Variants in AK5 observed in about 807,000 individuals in gnomAD.
AK5 encodes adenylate kinase 5.
Under a neutral mutation model 69.5 loss-of-function variants are expected in AK5, and 27 were observed. That is an observed-to-expected ratio of 0.39 (90% CI 0.29 to 0.54). The LOEUF (loss-of-function observed/expected upper bound fraction) is 0.54. Among genes scored for constraint, AK5 ranks in the 20% least tolerant of loss-of-function variants. The pLI is 0.71. For synonymous variants in AK5, 260 were observed against 244.4 expected, an observed-to-expected ratio of 1.06 and a Z score of -0.60; for missense variants, 531 against 700.4, an observed-to-expected ratio of 0.76 and a Z score of 2.73.
At chr1:77,517,173 T>C (rs1006138941) in intron 10 of AK5, among the ~76,000 whole-genome samples, 6 of 151,188 alleles carry the variant, frequency 4.0e-5, no homozygotes, top group Non-Finnish European at 8.9e-5. Context: ...GGAATTTGAA[T>C]TTTACTCTGG....
chr1:77,411,658 C>T (rs1650053604), intron 7 of AK5, among the ~76,000 whole-genome samples: 2 of 152,204 alleles, frequency 1.3e-5, no homozygotes, highest in Admixed American at 6.5e-5. Context: ...CTCATTGTCA[C>T]AGGTGGCTTC....
intron 12 of AK5, among the ~76,000 whole-genome samples, chr1:77,529,819 T>A (rs1658483305): frequency 6.6e-6 from 1 of 152,156 alleles, no homozygotes; most frequent in Non-Finnish European, 1.5e-5. Context: ...TTAACAGAAA[T>A]CATATTAATG....
chr1:77,512,173 C>A (rs1280371321), intron 10 of AK5, among the ~76,000 whole-genome samples: 1 of 152,072 alleles, frequency 6.6e-6, no homozygotes, highest in Non-Finnish European at 1.5e-5. Flanking sequence ...AGAAAATAAA[C>A]GTTGAGTTCT....
chr1:77,334,231 G>C (rs761427254), intron 5 of AK5, among the ~76,000 whole-genome samples: 18 of 152,050 alleles, frequency 1.2e-4, no homozygotes, highest in Non-Finnish European at 1.9e-4. Context: ...AAAAATGTAG[G>C]TTGGCAGTTA....
intron 13 of AK5, among the ~76,000 whole-genome samples, chr1:77,549,924 A>G (rs1399194021): frequency 6.6e-6 from 1 of 151,980 alleles, no homozygotes; most frequent in Non-Finnish European, 1.5e-5. Flanking sequence ...TCCTAGGCTC[A>G]AGTGACCCTC....
At chr1:77,532,005 G>GCC (rs1658654910) in intron 12 of AK5, 1 of 151,098 alleles carries the variant, frequency 6.6e-6, no homozygotes, top group Non-Finnish European at 1.5e-5. Context: ...CGGCCGGCCG[G>GCC]CCGCTCCGAG....
chr1:77,314,138 T>C (rs963966516), intron 5 of AK5: 27 of 324,236 alleles, frequency 8.3e-5, no homozygotes, highest in Non-Finnish European at 1.6e-4. Context: ...TCTTATGATA[T>C]GAATTGAAGA....
chr1:77,423,334 A>C (rs1485408843), intron 8 of AK5, among the ~76,000 whole-genome samples: 1 of 152,028 alleles, frequency 6.6e-6, no homozygotes, highest in Non-Finnish European at 1.5e-5. Flanking sequence ...CCCTCTTTCA[A>C]ATATGACTGA....
At chr1:77,473,043 C>A (rs1294855415) in intron 8 of AK5, among the ~76,000 whole-genome samples, 1 of 152,142 alleles carries the variant, frequency 6.6e-6, no homozygotes, top group Non-Finnish European at 1.5e-5. Context: ...TCTGCAAAAT[C>A]CCTTTGGCCA....
intron 5 of AK5, among the ~76,000 whole-genome samples, chr1:77,300,126 G>A (rs1489458924): frequency 1.3e-5 from 2 of 152,144 alleles, no homozygotes; most frequent in African/African-American, 4.8e-5. Flanking sequence ...TGCAGTAGGT[G>A]GGAGAGGGAG....
At chr1:77,286,893 G>T in intron 1 of AK5, 48 bp from the exon 2 acceptor site, 1 of 1,188,506 alleles carries the variant, frequency 8.4e-7, no homozygotes, top group East Asian at 2.9e-5. Flanking sequence ...AAAAAACAAA[G>T]GTGGGTTTAA....
intron 2 of AK5, among the ~76,000 whole-genome samples, chr1:77,290,600 A>G (rs1036324764): frequency 2.0e-5 from 3 of 152,176 alleles, no homozygotes; most frequent in Admixed American, 6.5e-5. Context: ...TGTGAATAAG[A>G]GTTCTAATCC....
At chr1:77,520,819 G>A (rs1430547737) in intron 11 of AK5, among the ~76,000 whole-genome samples, 1 of 152,112 alleles carries the variant, frequency 6.6e-6, no homozygotes, top group East Asian at 1.9e-4. Context: ...ACTTCATGAG[G>A]ACTTCATTCA....
At chr1:77,516,271 C>T (rs928008504) in intron 10 of AK5, among the ~76,000 whole-genome samples, 2 of 152,078 alleles carry the variant, frequency 1.3e-5, no homozygotes, top group Non-Finnish European at 2.9e-5. Flanking sequence ...AAGTCAAATT[C>T]ATGGAAGCAG....
chr1:77,396,288 T>C lies in AK5; in HGVS notation c.892-14693T>C, dbSNP rs193259580. Among the ~76,000 whole-genome samples the C allele has an allele frequency of 2.3e-3, 348 of 152,314 alleles. 2 individuals are homozygous for C. The highest frequency in any genetic ancestry group is 7.7e-3 in the African/African-American group (320 of 41,576). ...ATGGAGGTAAATGTCAATTCCATTA[T>C]TGTAAATCTGATTTCCAGTCTCATA... On this transcript the variant is annotated intron_variant, in intron 6 of 13. Transcript: ENST00000354567.
intron 1 of AK5, among the ~76,000 whole-genome samples, chr1:77,283,883 C>A (rs1658204791): frequency 6.6e-6 from 1 of 152,076 alleles, no homozygotes; most frequent in East Asian, 1.9e-4. Context: ...AGGAGGACCA[C>A]GTGATTGCAA....
chr1:77,519,827 T>G (rs1657882450), intron 11 of AK5, among the ~76,000 whole-genome samples: 1 of 152,180 alleles, frequency 6.6e-6, no homozygotes, highest in Non-Finnish European at 1.5e-5. Flanking sequence ...TTTTACCCAG[T>G]TTCTCTACTG....
intron 8 of AK5, among the ~76,000 whole-genome samples, chr1:77,419,984 A>T (rs1013249366): frequency 6.6e-6 from 1 of 152,172 alleles, no homozygotes; most frequent in Non-Finnish European, 1.5e-5. Context: ...ACTGTGTGCC[A>T]GTTTCTGTTT....
intron 10 of AK5, among the ~76,000 whole-genome samples, chr1:77,507,499 A>C (rs1020145983): frequency 6.6e-6 from 1 of 152,228 alleles, no homozygotes; most frequent in Non-Finnish European, 1.5e-5. Context: ...AGTAGTCTGC[A>C]ATGACTTCTC....
Sources: allele counts gnomAD v4.1 joint callset (sites outside exome capture counted in the v4.1 genomes callset), GRCh38; gene constraint gnomAD v4.1.1; transcripts MANE v1.5; gene names NCBI Gene and HGNC (gene_info 2026-07-23, HGNC 2026-07-21).